Variants in HS3ST2 observed in about 807,000 individuals in gnomAD.
The protein encoded by HS3ST2 is heparan sulfate-glucosamine 3-sulfotransferase 2, also known as heparan sulfate glucosamine 3-O-sulfotransferase 2.
In HS3ST2, 17 loss-of-function variants were observed where a neutral mutation model predicts 26.3. The observed-to-expected ratio is 0.65, with a 90% CI of 0.44 to 0.97. The LOEUF is 0.97. Ranked by LOEUF, HS3ST2 falls within the 50% of genes least tolerant of loss-of-function variation. The pLI is 0.00. For missense variants in HS3ST2, 402 were observed against 501.2 expected (o/e 0.80, Z 1.89); for synonymous variants, 237 against 219.2 (o/e 1.08, Z -0.72).
chr16:22,831,115 G>T (rs1405348505), intron 1 of HS3ST2, among the ~76,000 whole-genome samples: 1 of 152,150 alleles, frequency 6.6e-6, no homozygotes, highest in Non-Finnish European at 1.5e-5. Flanking sequence ...ACCCAATGAA[G>T]ACTTTCTCCA....
At chr16:22,898,803 G>A (rs1159908290) in intron 1 of HS3ST2, among the ~76,000 whole-genome samples, 1 of 152,216 alleles carries the variant, frequency 6.6e-6, no homozygotes, top group East Asian at 1.9e-4. Context: ...TGACTTCCCA[G>A]TGCATGGCCC....
intron 1 of HS3ST2, chr16:22,854,524 T>C (rs187444736): frequency 2.6e-5 from 4 of 152,278 alleles, no homozygotes; most frequent in Non-Finnish European, 5.9e-5. Flanking sequence ...TCTGTCTTGA[T>C]TATCACCACT....
At chr16:22,815,183 T>A in intron 1 of HS3ST2, 88 bp downstream of exon 1, 1 of 1,522,574 alleles carries the variant, frequency 6.6e-7, no homozygotes, top group Non-Finnish European at 8.9e-7. Flanking sequence ...TCTCTTTCTT[T>A]TAACCCAACT....
chr16:22,865,483 G>C (rs1596619052), intron 1 of HS3ST2, among the ~76,000 whole-genome samples: 1 of 150,992 alleles, frequency 6.6e-6, no homozygotes, highest in African/African-American at 2.4e-5. Flanking sequence ...TTGAACCCAG[G>C]AGGCGGAGGT....
chr16:22,824,012 G>A (rs1901042767), intron 1 of HS3ST2, among the ~76,000 whole-genome samples: 1 of 152,248 alleles, frequency 6.6e-6, no homozygotes, highest in Non-Finnish European at 1.5e-5. Flanking sequence ...CTGGTGGAAA[G>A]TCAGCAGTAT....
At chr16:22,832,201 T>C (rs1453681315) in intron 1 of HS3ST2, among the ~76,000 whole-genome samples, 1 of 150,816 alleles carries the variant, frequency 6.6e-6, no homozygotes, top group African/African-American at 2.4e-5. Flanking sequence ...CTTTCTGTGT[T>C]GCCCAAGCTG....
intron 1 of HS3ST2, among the ~76,000 whole-genome samples, chr16:22,883,031 GAA>G (rs201212985): frequency 1.4e-4 from 14 of 99,770 alleles, no homozygotes; most frequent in Admixed American, 3.2e-4. Context: ...CTCCATCTCA[GAA>G]AAAAAAAAAA....
chr16:22,841,073 T>C (rs892006049), intron 1 of HS3ST2, among the ~76,000 whole-genome samples: 4 of 151,020 alleles, frequency 2.6e-5, no homozygotes, highest in Admixed American at 2.0e-4. Context: ...TGTTTGGTTT[T>C]TTGTCCTTGT....
chr16:22,818,953 T>C (rs1355899027), intron 1 of HS3ST2, among the ~76,000 whole-genome samples: 1 of 64,452 alleles, frequency 1.6e-5, no homozygotes, highest in South Asian at 7.6e-4. Context: ...CTTCCTTCCT[T>C]CCTTCCTTCC....
chr16:22,909,283 G>A (rs80946), intron 1 of HS3ST2, among the ~76,000 whole-genome samples: 110,683 of 152,150 alleles, frequency 0.73, 40,993 homozygotes, highest in African/African-American at 0.86. Flanking sequence ...AAAATAACAG[G>A]TGGGAGGAAA....
intron 1 of HS3ST2, among the ~76,000 whole-genome samples, chr16:22,817,810 C>A (rs1378539214): frequency 6.6e-6 from 1 of 152,102 alleles, no homozygotes; most frequent in African/African-American, 2.4e-5. Context: ...ACATCAAAGC[C>A]CCTGGTGATA....
chr16:22,862,257 A>G (rs549300590), intron 1 of HS3ST2, among the ~76,000 whole-genome samples: 1 of 150,948 alleles, frequency 6.6e-6, no homozygotes, highest in Non-Finnish European at 1.5e-5. Context: ...CTCATTCATG[A>G]AGCAGGCTTC....
intron 1 of HS3ST2, among the ~76,000 whole-genome samples, chr16:22,855,852 G>GA (rs1016148435): frequency 6.6e-6 from 1 of 152,034 alleles, no homozygotes; most frequent in Non-Finnish European, 1.5e-5. Context: ...AGCATTCCCA[G>GA]AAAAAATCTA....
In HS3ST2 at chr16:22,894,380, G is replaced by A. The variant is rs1902176043; in HGVS notation, c.486-20564G>A. Among the ~76,000 whole-genome samples the A allele has an allele frequency of 1.3e-5, 2 of 152,154 alleles. 1 individual carries two copies. Among genetic ancestry groups the A allele is most frequent in the Admixed American group, 1.3e-4 (2 of 15,276 alleles). On this transcript the variant is annotated intron_variant, in intron 1 of 1. Coordinates refer to ENST00000261374, the MANE Select transcript of HS3ST2 (RefSeq NM_006043.2). Reference sequence around the variant, plus strand: ...GGGCAGCGGCCTGGCTGTGGGTAGGGGGAAGGCTCTGTGGATGTAGCTCCT... The same window carrying A: ...GGGCAGCGGCCTGGCTGTGGGTAGGAGGAAGGCTCTGTGGATGTAGCTCCT...
At chr16:22,822,338 A>T (rs1299308036) in intron 1 of HS3ST2, among the ~76,000 whole-genome samples, 1 of 152,006 alleles carries the variant, frequency 6.6e-6, no homozygotes, top group Non-Finnish European at 1.5e-5. Context: ...GTTAATTTTT[A>T]AAATCCTTTG....
chr16:22,865,049 C>CAAAAAAAAA (rs59256411), intron 1 of HS3ST2, among the ~76,000 whole-genome samples: 1 of 50,074 alleles, frequency 2.0e-5, no homozygotes, highest in African/African-American at 6.1e-5. Flanking sequence ...GACCCTATCT[C>CAAAAAAAAA]AAAAAAAAAA....
intron 1 of HS3ST2, among the ~76,000 whole-genome samples, chr16:22,840,013 C>T (rs371688118): frequency 1.3e-4 from 20 of 152,218 alleles, no homozygotes; most frequent in African/African-American, 4.1e-4. Flanking sequence ...TTAACCTTAC[C>T]GAAAAGGAAA....
intron 1 of HS3ST2, among the ~76,000 whole-genome samples, chr16:22,837,571 A>G (rs896125735): frequency 5.4e-5 from 7 of 129,992 alleles, no homozygotes; most frequent in East Asian, 2.1e-4. Context: ...ATATACATAT[A>G]TATATATACA....
At chr16:22,846,384 C>A (rs1183325769) in intron 1 of HS3ST2, among the ~76,000 whole-genome samples, 1 of 151,990 alleles carries the variant, frequency 6.6e-6, no homozygotes, top group Non-Finnish European at 1.5e-5. Context: ...CAAACCCTTT[C>A]TTTGCTCTCA....
Sources: allele counts gnomAD v4.1 joint callset (sites outside exome capture counted in the v4.1 genomes callset), GRCh38; gene constraint gnomAD v4.1.1; transcripts MANE v1.5; gene names NCBI Gene and HGNC (gene_info 2026-07-23, HGNC 2026-07-21).